KCND2: variants seen among roughly 807,000 people sequenced by gnomAD.
The protein encoded by KCND2 is potassium voltage-gated channel subfamily D member 2.
A neutral mutation model predicts 54.4 loss-of-function variants in KCND2; 16 were observed. That is an observed-to-expected ratio of 0.29 (90% confidence interval 0.20 to 0.45). KCND2 has a LOEUF of 0.45. Among genes scored for constraint, KCND2 ranks in the 20% least tolerant of loss-of-function variants. KCND2 has a pLI of 1.00. For synonymous variants in KCND2, 317 were observed against 310.7 expected (o/e 1.02, Z -0.21); for missense variants, 486 against 824.2 (o/e 0.59, Z 5.02).
chr7:120,694,328 T>C (rs1265499719), intron 1 of KCND2, among the ~76,000 whole-genome samples: 1 of 152,182 alleles, frequency 6.6e-6, no homozygotes, highest in African/African-American at 2.4e-5. Flanking sequence ...TAGATATAGG[T>C]GATCTTTACA....
intron 1 of KCND2, among the ~76,000 whole-genome samples, chr7:120,519,182 A>G (rs1803244067): frequency 6.6e-6 from 1 of 151,990 alleles, no homozygotes; most frequent in Non-Finnish European, 1.5e-5. Flanking sequence ...ACAAAAAACA[A>G]CAACAAAAAC....
At chr7:120,345,388 A>G (rs1418848684) in intron 1 of KCND2, among the ~76,000 whole-genome samples, 2 of 152,122 alleles carry the variant, frequency 1.3e-5, no homozygotes, top group African/African-American at 4.8e-5. Context: ...GTGAAAGTCT[A>G]GATGAAAAAA....
intron 1 of KCND2, among the ~76,000 whole-genome samples, chr7:120,457,375 A>T (rs960829120): frequency 6.6e-5 from 10 of 152,080 alleles, no homozygotes; most frequent in Admixed American, 5.9e-4. Context: ...TCAAACTTTC[A>T]TGCTCTGCTC....
At chr7:120,487,068 A>T (rs1802705304) in intron 1 of KCND2, among the ~76,000 whole-genome samples, 1 of 152,208 alleles carries the variant, frequency 6.6e-6, no homozygotes, top group Non-Finnish European at 1.5e-5. Flanking sequence ...AGCTACTGGA[A>T]GCCAATGTGA....
intron 1 of KCND2, among the ~76,000 whole-genome samples, chr7:120,430,175 T>G (rs1336995741): frequency 6.6e-6 from 1 of 152,178 alleles, no homozygotes; most frequent in Non-Finnish European, 1.5e-5. Context: ...GCTAGCATGC[T>G]TGGTTTCTTC....
At chr7:120,452,998 A>C (rs547208574) in intron 1 of KCND2, among the ~76,000 whole-genome samples, 1 of 152,088 alleles carries the variant, frequency 6.6e-6, no homozygotes, top group Non-Finnish European at 1.5e-5. Flanking sequence ...GCTCCTCAAG[A>C]GTCCTCATCG....
At chr7:120,505,755 A>G (rs1225511833) in intron 1 of KCND2, among the ~76,000 whole-genome samples, 1 of 151,752 alleles carries the variant, frequency 6.6e-6, no homozygotes, top group East Asian at 1.9e-4. Context: ...TCAGTGCAAC[A>G]CATAAATAAG....
At chr7:120,595,499 G>A (rs779389658) in intron 1 of KCND2, among the ~76,000 whole-genome samples, 4,716 of 71,206 alleles carry the variant, frequency 0.066, 83 homozygotes, top group Non-Finnish European at 0.086. Context: ...ATATATATAT[G>A]TGTGTGTGTG....
chr7:120,543,355 C>T (rs765396711), intron 1 of KCND2, among the ~76,000 whole-genome samples: 19 of 151,712 alleles, frequency 1.3e-4, no homozygotes, highest in Non-Finnish European at 1.6e-4. Context: ...CCTCTTACTG[C>T]GTGTCGATTT....
intron 2 of KCND2, among the ~76,000 whole-genome samples, chr7:120,736,441 C>T (rs1253079351): frequency 1.3e-5 from 2 of 151,884 alleles, no homozygotes; most frequent in South Asian, 2.1e-4. Flanking sequence ...TATTGATTCT[C>T]GTAGTTATAC....
chr7:120,496,714 G>A (rs1347141017), intron 1 of KCND2, among the ~76,000 whole-genome samples: 2 of 152,028 alleles, frequency 1.3e-5, no homozygotes, highest in Non-Finnish European at 2.9e-5. Context: ...GTGAGCCACC[G>A]TGCCCGGCCT....
At chr7:120,294,813 C>G (rs1799485316) in intron 1 of KCND2, among the ~76,000 whole-genome samples, 1 of 151,734 alleles carries the variant, frequency 6.6e-6, no homozygotes, top group African/African-American at 2.4e-5. Flanking sequence ...AAGATATGTA[C>G]ATACACACAT....
At chr7:120,586,259 C>T (rs1003262598) in intron 1 of KCND2, among the ~76,000 whole-genome samples, 1 of 151,940 alleles carries the variant, frequency 6.6e-6, no homozygotes, top group East Asian at 1.9e-4. Flanking sequence ...GAAAAGCGCA[C>T]CCATATGTCC....
At chr7:120,563,350 T>C (rs1792258410) in intron 1 of KCND2, among the ~76,000 whole-genome samples, 1 of 152,196 alleles carries the variant, frequency 6.6e-6, no homozygotes, top group African/African-American at 2.4e-5. Context: ...TTACCCAACA[T>C]GTTAGAAACT....
intron 1 of KCND2, among the ~76,000 whole-genome samples, chr7:120,293,366 C>T (rs1283092496): frequency 6.6e-6 from 1 of 151,838 alleles, no homozygotes; most frequent in East Asian, 1.9e-4. Context: ...CATTTAAAAC[C>T]CAGAAGGGAA....
At chr7:120,291,034 A>C (rs1799428405) in intron 1 of KCND2, among the ~76,000 whole-genome samples, 1 of 152,004 alleles carries the variant, frequency 6.6e-6, no homozygotes, top group African/African-American at 2.4e-5. Flanking sequence ...CACTTTTTGA[A>C]TCTTAATAAA....
chr7:120,632,506 A>G (rs983331869), intron 1 of KCND2, among the ~76,000 whole-genome samples: 1 of 152,212 alleles, frequency 6.6e-6, no homozygotes, highest in Admixed American at 6.5e-5. Flanking sequence ...AAAAGTACAT[A>G]CTGAAAGTAT....
At chr7:120,716,593 C>T (rs886169769) in intron 1 of KCND2, among the ~76,000 whole-genome samples, 3 of 152,014 alleles carry the variant, frequency 2.0e-5, no homozygotes, top group Non-Finnish European at 2.9e-5. Flanking sequence ...AGTCAGTTCA[C>T]GAAGAAGAAA....
At chr7:120,657,298 T>C (rs1203610391) in intron 1 of KCND2, among the ~76,000 whole-genome samples, 2 of 152,158 alleles carry the variant, frequency 1.3e-5, no homozygotes, top group Non-Finnish European at 2.9e-5. Flanking sequence ...CATGTTATTA[T>C]AAATAAGCAG....
Sources: gnomAD v4.1 joint callset for allele counts (sites outside exome capture counted in the v4.1 genomes callset) on GRCh38, gnomAD v4.1.1 for gene constraint, MANE v1.5 for transcripts, NCBI Gene and HGNC (gene_info 2026-07-23, HGNC 2026-07-21) for gene names.